CEBPZ: variants seen among roughly 807,000 people sequenced by gnomAD.
The protein encoded by CEBPZ is CCAAT enhancer binding protein zeta, also known as CCAAT/enhancer-binding protein zeta.
CEBPZ carries 78 observed loss-of-function variants against 104.5 expected under a neutral mutation model. The ratio of observed to expected loss-of-function variants is 0.75; its 90% confidence interval spans 0.62 to 0.90. The LOEUF (loss-of-function observed/expected upper bound fraction) is 0.90, where lower values mean the gene tolerates loss of function less well. CEBPZ is among the 40% of genes least tolerant of loss of function. The pLI, the probability that CEBPZ is intolerant of heterozygous loss-of-function variation, is 0.00. For synonymous variants in CEBPZ, 470 were observed against 427.0 expected, an observed-to-expected ratio of 1.10 and a Z score of -1.24; for missense variants, 1,439 against 1,233.5, an observed-to-expected ratio of 1.17 and a Z score of -2.50.
chr2:37,205,556 C>T (rs753132290), intron 13 of CEBPZ, among the ~76,000 whole-genome samples: 7 of 152,312 alleles, frequency 4.6e-5, no homozygotes, highest in Non-Finnish European at 7.3e-5. Flanking sequence ...GGACTCAGCC[C>T]GCCTGCACCC....
intron 8 of CEBPZ, 157 bp downstream of exon 8, chr2:37,215,983 C>A (rs1677857709): frequency 1.6e-5 from 7 of 433,604 alleles, no homozygotes; most frequent in African/African-American, 2.2e-5. Context: ...CAGTCAGATA[C>A]AGTAGATTTA....
intron 2 of CEBPZ, among the ~76,000 whole-genome samples, chr2:37,226,312 A>G (rs1325019122): frequency 6.6e-6 from 1 of 152,190 alleles, no homozygotes; most frequent in Non-Finnish European, 1.5e-5. Flanking sequence ...TGTTAAGAGG[A>G]TTAAACTAAA....
In CEBPZ at chr2:37,227,531, G is replaced by GTTCTTACCT; in HGVS notation, c.1649+12_1649+13insAGGTAAGAA. ...ATTATTTCATGTCTCATATTGGAAG[G>GTTCTTACCT]GTATGTTCTTACCTGTATAATGCTG... On this transcript the variant is annotated intron_variant, in intron 2 of 15. Coordinates refer to ENST00000234170, the MANE Select transcript of CEBPZ (RefSeq NM_005760.3). 6.3e-7 allele frequency: 1 copy of GTTCTTACCT among 1,583,848 alleles called. No individual in the cohort carries two copies. The highest frequency in any genetic ancestry group is 8.6e-7 in the Non-Finnish European group (1 of 1,165,714).
intron 5 of CEBPZ, among the ~76,000 whole-genome samples, chr2:37,217,354 T>C (rs1664632537): frequency 6.6e-6 from 1 of 152,124 alleles, no homozygotes; most frequent in African/African-American, 2.4e-5. Context: ...TGAGCTGACA[T>C]GGCACCACTG....
At chr2:37,221,641 C>CT (rs2148358641) in intron 4 of CEBPZ, among the ~76,000 whole-genome samples, 1 of 152,356 alleles carries the variant, frequency 6.6e-6, no homozygotes, top group East Asian at 1.9e-4. Flanking sequence ...CTTCATCCTT[C>CT]TAAAGGATTA....
At chr2:37,209,802 G>T (rs901913276) in intron 13 of CEBPZ, 5 of 152,144 alleles carry the variant, frequency 3.3e-5, no homozygotes, top group Non-Finnish European at 1.5e-5. Context: ...AAGCTAAAAA[G>T]CGTCTGCATA....
In CEBPZ at chr2:37,216,128, G is replaced by A. The variant is rs1283581741; in HGVS notation, c.2380+12C>T. On this transcript the variant is annotated intron_variant, in intron 8 of 15. Coordinates refer to ENST00000234170, the MANE Select transcript of CEBPZ (RefSeq NM_005760.3). ...GTCTTTTCAGTTTCAACTGTCTAAG[G>A]TTTATACTTACCAGGAAGATGACGA... The A allele has an allele frequency of 1.9e-6, 3 of 1,594,718 alleles. No homozygotes were observed. Among genetic ancestry groups the A allele is most frequent in the Non-Finnish European group, 1.7e-6 (2 of 1,164,586 alleles).
chr2:37,225,717 T>TCCCCCAGCCCGACAC (rs1664871557), intron 2 of CEBPZ, among the ~76,000 whole-genome samples: 1 of 19,674 alleles, frequency 5.1e-5, no homozygotes, highest in African/African-American at 2.1e-4. Flanking sequence ...GACCTGACCG[T>TCCCCCAGCCCGACAC]CCCCCAGCCC....
intron 12 of CEBPZ, 66 bp from the exon 13 acceptor site, chr2:37,211,148 A>G (rs1677709455): frequency 9.5e-7 from 1 of 1,055,792 alleles, no homozygotes. Flanking sequence ...TATTACTCCA[A>G]GATATGCTAA....
intron 1 of CEBPZ, among the ~76,000 whole-genome samples, chr2:37,230,929 T>C (rs1371738282): frequency 1.3e-5 from 2 of 152,208 alleles, no homozygotes; most frequent in Admixed American, 6.5e-5. Flanking sequence ...TTTTCTTTTA[T>C]AGCACTACCC....
chr2:37,211,365 G>T, intron 12 of CEBPZ: 1 of 270,930 alleles, frequency 3.7e-6, no homozygotes, highest in Non-Finnish European at 6.8e-6. Flanking sequence ...TTCTGCTGTG[G>T]TTCAGAATAA....
At position 37,230,646 on chromosome 2, in the gene CEBPZ, G is replaced by A. The variant is rs538660236; in HGVS notation, c.156+766C>T. On this transcript the variant is annotated intron_variant, in intron 1 of 15. Transcript: ENST00000234170. ...TTCCAGTGGTTTTGCATCAAACTCA[G>A]AGCAAAAGCCTGCCCTCTGACCCCT... Among the ~76,000 whole-genome samples, 6 of 152,254 alleles carry A rather than the reference G, an allele frequency of 3.9e-5. No individual in the cohort carries two copies. The South Asian group carries it at 1.2e-3, about 32-fold the overall frequency.
rs1269679234 is a variant in CEBPZ, at chr2:37,215,031, G to T, written c.2381-79C>A. 3.4e-6 allele frequency: 3 copies of T among 888,518 alleles called. No homozygotes were observed. The Admixed American group carries it at 6.2e-5, about 18-fold the overall frequency. The allele number at this position is 888,518 out of a possible 1,614,324, so 55.0% of individuals were successfully genotyped here. On this transcript the variant is annotated intron_variant, in intron 8 of 15. Transcript: ENST00000234170. ...ACTCAAGCTCTTAAGACAAAATACAGCATAATCTGTAATTCTAAAAATCTC... is the reference window on the plus strand; with the variant it reads ...ACTCAAGCTCTTAAGACAAAATACATCATAATCTGTAATTCTAAAAATCTC...
rs761762549 is a variant in CEBPZ, at chr2:37,231,569, G to A, written c.-2C>T. ...CAAAGGCTCCTTGACTGCGGCCATGGCGGGCAAAGCATACGCGCGTGAAAC... is the reference window on the plus strand; with the variant it reads ...CAAAGGCTCCTTGACTGCGGCCATGACGGGCAAAGCATACGCGCGTGAAAC... On this transcript the variant is annotated 5_prime_UTR_variant, in exon 1 of 16. Coordinates refer to ENST00000234170, the MANE Select transcript of CEBPZ (RefSeq NM_005760.3). 6.2e-7 allele frequency: 1 copy of A among 1,614,236 alleles called. No individual in the cohort carries two copies. The highest frequency in any genetic ancestry group is 8.5e-7 in the Non-Finnish European group (1 of 1,180,036).
At chr2:37,211,339 C>T (rs1322902922) in intron 12 of CEBPZ, 1 of 309,186 alleles carries the variant, frequency 3.2e-6, no homozygotes. Flanking sequence ...ATATAAAACC[C>T]CTTAAAACAA....
intron 2 of CEBPZ, among the ~76,000 whole-genome samples, chr2:37,226,960 A>T (rs1405828413): frequency 6.6e-6 from 1 of 152,068 alleles, no homozygotes; most frequent in Non-Finnish European, 1.5e-5. Context: ...CTCTCTACTT[A>T]ACATACTTTG....
chr2:37,231,462 C>G lies in CEBPZ; in HGVS notation c.106G>C (p.Ala36Pro). ...TCCTCCAGGGAGAACCCATTCTCGG[C>G]TTCACTAGTATTATCCTCATCCTCC... Reference protein sequence around the residue: ...DEEDEDNTSEAENGFSLEEVL... With the variant: ...DEEDEDNTSEPENGFSLEEVL... The change falls in exon 1 of 16, where the codon GCC (alanine) becomes CCC (proline). Residue 36 changes from alanine to proline, a missense_variant. Transcript: ENST00000234170. 6.2e-7 allele frequency: 1 copy of G among 1,614,242 alleles called. No individual in the cohort carries two copies. Among genetic ancestry groups the G allele is most frequent in the African/African-American group, 1.3e-5 (1 of 75,076 alleles).
At chr2:37,219,408 T>C (rs1664712006) in intron 5 of CEBPZ, among the ~76,000 whole-genome samples, 3 of 152,244 alleles carry the variant, frequency 2.0e-5, no homozygotes. Context: ...ACTGGCTTTT[T>C]TTTTTTTAAC....
intron 2 of CEBPZ, among the ~76,000 whole-genome samples, chr2:37,225,946 T>A (rs1165020402): frequency 7.8e-6 from 1 of 128,074 alleles, no homozygotes; most frequent in Admixed American, 8.3e-5. Flanking sequence ...TTGTAAAGCA[T>A]TGAGATGTTT....
Sources: allele counts gnomAD v4.1 joint callset (sites outside exome capture counted in the v4.1 genomes callset), GRCh38; gene constraint gnomAD v4.1.1; transcripts MANE v1.5; gene names NCBI Gene and HGNC (gene_info 2026-07-23, HGNC 2026-07-21).